Variants in SWT1 observed in about 807,000 individuals in gnomAD.
SWT1 encodes transcriptional protein SWT1.
A neutral mutation model predicts 107.3 loss-of-function variants in SWT1; 33 were observed. The observed-to-expected ratio is 0.31, with a 90% CI of 0.23 to 0.41. SWT1 has a LOEUF of 0.41. SWT1 is among the 10% of genes least tolerant of loss of function. SWT1 has a pLI of 1.00. For missense variants in SWT1, 898 were observed against 1,028.9 expected, an observed-to-expected ratio of 0.87 and a Z score of 1.74; for synonymous variants, 345 against 348.3, an observed-to-expected ratio of 0.99 and a Z score of 0.11.
At chr1:185,222,102 A>G in intron 15 of SWT1, 66 bp downstream of exon 15, 2 of 1,109,784 alleles carry the variant, frequency 1.8e-6, no homozygotes, top group Non-Finnish European at 2.5e-6. Context: ...GTACATATTT[A>G]CAGGGTACAA....
intron 13 of SWT1, among the ~76,000 whole-genome samples, chr1:185,212,974 A>C (rs1658941478): frequency 6.6e-6 from 1 of 152,216 alleles, no homozygotes; most frequent in South Asian, 2.1e-4. Flanking sequence ...AATTGTGTGG[A>C]AAATGACTAG....
chr1:185,252,833 T>C lies in SWT1; in HGVS notation c.2442-18490T>C, dbSNP rs1423858964. 8.6e-5 allele frequency among the ~76,000 whole-genome samples: 13 copies of C among 150,894 alleles called. No homozygotes were observed. In the South Asian group the frequency reaches 2.3e-3, roughly 27 times the overall value. ...TGGCTTTTGTTGCCATTGCTTTTGG[T>C]GTTTTAGACATGAAGTCCTTGCCCA... is the stretch of plus-strand genomic sequence containing the variant. On this transcript the variant is annotated intron_variant, in intron 16 of 18. Coordinates refer to ENST00000367500, the MANE Select transcript of SWT1 (RefSeq NM_017673.7).
At chr1:185,216,265 C>T (rs61824090) in intron 14 of SWT1, among the ~76,000 whole-genome samples, 113 of 151,808 alleles carry the variant, frequency 7.4e-4, no homozygotes, top group Non-Finnish European at 1.1e-3. Context: ...TAATGGCAAG[C>T]GTGATTTTTA....
At position 185,290,657 on chromosome 1, in the gene SWT1, A is replaced by G; in HGVS notation, c.2574-17A>G. The G allele has an allele frequency of 6.4e-7, 1 of 1,556,348 alleles. No individual in the cohort carries two copies. The highest frequency in any genetic ancestry group is 2.3e-5 in the East Asian group (1 of 43,492). On this transcript the variant is annotated splice_polypyrimidine_tract_variant and intron_variant, in intron 18 of 18. Coordinates refer to ENST00000367500, the MANE Select transcript of SWT1 (RefSeq NM_017673.7). ...ACTAGCTGTCTTGCAATGATTTAAT[A>G]TTTCTTTTTCTCCTAGGGAAAAGTT...
intron 10 of SWT1, among the ~76,000 whole-genome samples, chr1:185,191,591 G>A (rs1656954770): frequency 1.3e-5 from 2 of 152,116 alleles, no homozygotes; most frequent in African/African-American, 4.8e-5. Context: ...CAAAGATAAT[G>A]TGATTCCTTT....
intron 16 of SWT1, chr1:185,264,531 C>T (rs964768271): frequency 1.2e-6 from 1 of 859,268 alleles, no homozygotes; most frequent in African/African-American, 1.8e-5. Context: ...AGAATTTTTC[C>T]AAGTATGTTA....
At chr1:185,245,942 T>A (rs1661575651) in intron 16 of SWT1, among the ~76,000 whole-genome samples, 1 of 151,756 alleles carries the variant, frequency 6.6e-6, no homozygotes, top group African/African-American at 2.4e-5. Flanking sequence ...CTAATTTTTG[T>A]ATTTTTGTAT....
At chr1:185,277,956 C>A (rs1397778206) in intron 18 of SWT1, among the ~76,000 whole-genome samples, 1 of 152,012 alleles carries the variant, frequency 6.6e-6, no homozygotes, top group Non-Finnish European at 1.5e-5. Flanking sequence ...ACAAAAAGGG[C>A]AAGTATTATA....
At chr1:185,217,525 A>C (rs1659313288) in intron 14 of SWT1, among the ~76,000 whole-genome samples, 1 of 152,088 alleles carries the variant, frequency 6.6e-6, no homozygotes, top group African/African-American at 2.4e-5. Context: ...ATGGGACTGT[A>C]AGGTCAGGGC....
chr1:185,225,445 C>G (rs943242789), intron 15 of SWT1, among the ~76,000 whole-genome samples: 3 of 151,952 alleles, frequency 2.0e-5, no homozygotes, highest in Admixed American at 6.6e-5. Flanking sequence ...TGCAAGTATT[C>G]CTGCTTCTTC....
rs1255049846 is a variant in SWT1 at position 185,227,355 on chromosome 1, A to C, written c.2310-4222A>C. 4.1e-6 allele frequency: 3 copies of C among 725,298 alleles called. No homozygotes were observed. In the East Asian group the frequency reaches 7.8e-5, roughly 19 times the overall value. 44.9% of individuals were successfully genotyped at this position (725,298 alleles called of 1,614,324 possible). On this transcript the variant is annotated intron_variant, in intron 15 of 18. Transcript: ENST00000367500. ...CACTTGGCTTTCATAGATCTTGTCC[A>C]TGCCAAACCTATTGAGAAGCCTGCG...
At chr1:185,203,357 C>T (rs1571493381) in intron 11 of SWT1, among the ~76,000 whole-genome samples, 1 of 152,186 alleles carries the variant, frequency 6.6e-6, no homozygotes, top group African/African-American at 2.4e-5. Flanking sequence ...GGTGCACTGG[C>T]TTACGCCTGT....
intron 13 of SWT1, among the ~76,000 whole-genome samples, chr1:185,212,861 T>G (rs1658932790): frequency 6.6e-6 from 1 of 152,174 alleles, no homozygotes; most frequent in East Asian, 1.9e-4. Flanking sequence ...AATCACAGTT[T>G]ATGTTCTTGT....
chr1:185,219,538 A>G (rs907952623), intron 14 of SWT1, among the ~76,000 whole-genome samples: 1 of 152,170 alleles, frequency 6.6e-6, no homozygotes, highest in Non-Finnish European at 1.5e-5. Context: ...TCATTTTATC[A>G]CAGGGAACTT....
chr1:185,195,439 A>C (rs1485239229), intron 10 of SWT1, among the ~76,000 whole-genome samples: 4 of 152,200 alleles, frequency 2.6e-5, no homozygotes, highest in Admixed American at 1.3e-4. Flanking sequence ...TGCTATTGTG[A>C]ATAGTGCCGC....
At chr1:185,249,812 C>T (rs991487777) in intron 16 of SWT1, among the ~76,000 whole-genome samples, 4 of 152,232 alleles carry the variant, frequency 2.6e-5, no homozygotes, top group Admixed American at 1.3e-4. Flanking sequence ...ACTCTGCTCT[C>T]TGGGCTCTTG....
chr1:185,252,194 G>C lies in SWT1; in HGVS notation c.2442-19129G>C, dbSNP rs1032807580. Among the ~76,000 whole-genome samples the C allele has an allele frequency of 3.0e-3, 461 of 152,200 alleles. 2 individuals are homozygous for C. The highest frequency in any genetic ancestry group is 4.0e-3 in the Non-Finnish European group (271 of 68,018). On this transcript the variant is annotated intron_variant, in intron 16 of 18. Coordinates refer to ENST00000367500, the MANE Select transcript of SWT1 (RefSeq NM_017673.7). ...TCCAGTCTATCATTGGTGGACATTT[G>C]GGTTGGTTCCAAGTCTTTGCTATTG...
rs79724332 is a variant in SWT1, at chr1:185,238,366, G to T, written c.2441+6658G>T. ...AATACCTTCCCAGAGCATTTCATGG[G>T]GTTACTATTGTGCTTTGAGAGCAAG... On this transcript the variant is annotated intron_variant, in intron 16 of 18. Coordinates refer to ENST00000367500, the MANE Select transcript of SWT1 (RefSeq NM_017673.7). Among the ~76,000 whole-genome samples, 845 of 152,108 alleles carry T rather than the reference G, an allele frequency of 5.6e-3. 33 individuals carry two copies. The East Asian group carries it at 0.094, about 17-fold the overall frequency.
intron 15 of SWT1, among the ~76,000 whole-genome samples, chr1:185,224,251 G>A (rs1231614416): frequency 6.6e-6 from 1 of 152,106 alleles, no homozygotes; most frequent in Non-Finnish European, 1.5e-5. Flanking sequence ...CTTTGGGTAT[G>A]TTAATTTACT....
Sources: gnomAD v4.1 joint callset for allele counts (sites outside exome capture counted in the v4.1 genomes callset) on GRCh38, gnomAD v4.1.1 for gene constraint, MANE v1.5 for transcripts, NCBI Gene and HGNC (gene_info 2026-07-23, HGNC 2026-07-21) for gene names.